Variants in PRKCA observed in about 807,000 individuals in gnomAD.
PRKCA encodes protein kinase C alpha type.
PRKCA carries 27 observed loss-of-function variants against 87.0 expected under a neutral mutation model. That is an observed-to-expected ratio of 0.31 (90% confidence interval 0.23 to 0.43). The LOEUF (loss-of-function observed/expected upper bound fraction) is 0.43. Ranked by LOEUF, PRKCA falls within the 20% of genes least tolerant of loss-of-function variation. The pLI is 1.00. For synonymous variants in PRKCA, 329 were observed against 311.1 expected, an observed-to-expected ratio of 1.06 and a Z score of -0.61; for missense variants, 518 against 852.3, an observed-to-expected ratio of 0.61 and a Z score of 4.88.
intron 2 of PRKCA, among the ~76,000 whole-genome samples, chr17:66,404,894 C>T (rs2005244): frequency 0.13 from 19,125 of 151,582 alleles, 1,520 homozygotes; most frequent in East Asian, 0.28. Flanking sequence ...AGATTACAGG[C>T]GCACGCCACC....
At position 66,679,326 on chromosome 17, in the gene PRKCA, G is replaced by A. The variant is rs143297731; in HGVS notation, c.530-7785G>A. On this transcript the variant is annotated intron_variant, in intron 5 of 16. Coordinates refer to ENST00000413366, the MANE Select transcript of PRKCA (RefSeq NM_002737.3). ...CTCCCGAGTAGCTGTGACTACAGGC[G>A]TCCGCCACCACACCCGGCTAATTTT... 1.6e-3 allele frequency among the ~76,000 whole-genome samples: 239 copies of A among 152,076 alleles called. 1 individual carries two copies. Among genetic ancestry groups the A allele is most frequent in the Middle Eastern group, 3.4e-3 (1 of 294 alleles).
At chr17:66,464,418 A>G (rs1053861989) in intron 2 of PRKCA, among the ~76,000 whole-genome samples, 3 of 152,140 alleles carry the variant, frequency 2.0e-5, no homozygotes, top group African/African-American at 7.2e-5. Flanking sequence ...AAATGGAAAG[A>G]ATATGTTTAG....
intron 2 of PRKCA, among the ~76,000 whole-genome samples, chr17:66,434,261 G>C (rs1020691766): frequency 2.7e-5 from 3 of 110,556 alleles, no homozygotes; most frequent in African/African-American, 7.8e-5. Flanking sequence ...CCATCAAGGG[G>C]TAGGATGGGA....
At chr17:66,565,799 G>C (rs1968872599) in intron 3 of PRKCA, among the ~76,000 whole-genome samples, 1 of 151,952 alleles carries the variant, frequency 6.6e-6, no homozygotes, top group African/African-American at 2.4e-5. Flanking sequence ...CTTGGAACCT[G>C]TTTACTATTT....
chr17:66,603,499 C>T (rs569468920), intron 3 of PRKCA, among the ~76,000 whole-genome samples: 1 of 152,210 alleles, frequency 6.6e-6, no homozygotes, highest in South Asian at 2.1e-4. Context: ...AACAGCAAAG[C>T]GAGCACTCGG....
At chr17:66,553,524 C>T (rs61762383) in intron 3 of PRKCA, among the ~76,000 whole-genome samples, 97 of 152,268 alleles carry the variant, frequency 6.4e-4, no homozygotes, top group African/African-American at 2.2e-3. Flanking sequence ...CTAGATTTCG[C>T]GACTTGCTTC....
Position 66,645,878 on chromosome 17 carries a change from G to C in PRKCA, c.529+367G>C, listed in dbSNP as rs61762404. Among the ~76,000 whole-genome samples the C allele has an allele frequency of 7.9e-4, 120 of 152,318 alleles. 1 individual carries two copies. Among genetic ancestry groups the C allele is most frequent in the African/African-American group, 2.8e-3 (115 of 41,564 alleles). ...GAATGGAACTAGAACAAGGGGAGGC[G>C]AATGGATGGATGACCCAGGTGTTTT... On this transcript the variant is annotated intron_variant, in intron 5 of 16. Transcript: ENST00000413366.
Position 66,788,867 on chromosome 17 carries a change from T to A in PRKCA, c.1742T>A (p.Leu581Gln). Residue 581 changes from leucine to glutamine, a missense_variant, in exon 16 of 17, where the codon CTG becomes CAG. By Grantham distance (113) the Leu-to-Gln change is moderately radical (BLOSUM62 -2). Around this residue, in one of 5 missense-constraint regions of PRKCA, gnomAD observed 159 missense variants for 232.4 expected, o/e 0.68. Transcript: ENST00000413366. Reference protein sequence around the residue: ...GLMTKHPAKRLGCGPEGERDV... With the variant: ...GLMTKHPAKRQGCGPEGERDV... ...ATGACCAAACACCCAGCCAAGCGGC[T>A]GGGCTGTGGGCCTGAGGGGGAGAGG... 4 of 1,613,858 alleles carry A rather than the reference T, an allele frequency of 2.5e-6. No individual in the cohort carries two copies. The highest frequency in any genetic ancestry group is 3.4e-6 in the Non-Finnish European group (4 of 1,179,934).
chr17:66,373,544 G>A (rs1480249056), intron 2 of PRKCA, among the ~76,000 whole-genome samples: 1 of 152,168 alleles, frequency 6.6e-6, no homozygotes, highest in East Asian at 1.9e-4. Context: ...TAGGAGTTTG[G>A]TGATTTGATT....
At chr17:66,389,591 T>C (rs1018728533) in intron 2 of PRKCA, among the ~76,000 whole-genome samples, 11 of 152,224 alleles carry the variant, frequency 7.2e-5, no homozygotes, top group Middle Eastern at 3.2e-3. Flanking sequence ...GTCATCATCA[T>C]TGCTGCCATC....
rs895934005 is a variant in PRKCA at position 66,808,626 on chromosome 17, A to G, written c.*4589A>G. 2.0e-5 allele frequency: 3 copies of G among 152,292 alleles called. No individual in the cohort carries two copies. Among genetic ancestry groups the G allele is most frequent in the Admixed American group, 2.0e-4 (3 of 15,282 alleles). The allele number at this position is 152,292 out of a possible 1,614,324, so 9.4% of individuals were successfully genotyped here. On this transcript the variant is annotated 3_prime_UTR_variant, in exon 17 of 17. Coordinates refer to ENST00000413366, the MANE Select transcript of PRKCA (RefSeq NM_002737.3). The stretch of plus-strand genomic sequence containing the variant: ...GAGAGTTACCGGGACAGCAGTAGGC[A>G]TGACAGTCACCAGGAAGGACAAGGG...
intron 2 of PRKCA, chr17:66,398,354 T>C (rs1567808583): frequency 6.6e-6 from 1 of 152,206 alleles, no homozygotes; most frequent in African/African-American, 2.4e-5. Flanking sequence ...GTGGTGGTCA[T>C]ACAATAATAG....
chr17:66,589,583 A>G (rs896933691), intron 3 of PRKCA, among the ~76,000 whole-genome samples: 5 of 152,206 alleles, frequency 3.3e-5, no homozygotes, highest in African/African-American at 4.8e-5. Flanking sequence ...AACATCCAAA[A>G]TCTAAGACCT....
At chr17:66,329,029 C>T (rs1906161845) in intron 2 of PRKCA, among the ~76,000 whole-genome samples, 1 of 152,196 alleles carries the variant, frequency 6.6e-6, no homozygotes, top group African/African-American at 2.4e-5. Context: ...GAGGATCATG[C>T]CTACTGTTAT....
At chr17:66,334,438 G>A (rs1906536490) in intron 2 of PRKCA, among the ~76,000 whole-genome samples, 1 of 151,812 alleles carries the variant, frequency 6.6e-6, no homozygotes, top group African/African-American at 2.4e-5. Flanking sequence ...AGAATATATT[G>A]TGATAACTCA....
chr17:66,698,811 T>TAAAAATAC (rs1368921717), intron 8 of PRKCA, among the ~76,000 whole-genome samples: 1 of 85,664 alleles, frequency 1.2e-5, no homozygotes, highest in Non-Finnish European at 2.3e-5. Flanking sequence ...CTGTGTCTAC[T>TAAAAATAC]AAAAATACAA....
intron 5 of PRKCA, among the ~76,000 whole-genome samples, chr17:66,664,834 T>A (rs554756391): frequency 6.6e-6 from 1 of 151,932 alleles, no homozygotes; most frequent in African/African-American, 2.4e-5. Flanking sequence ...ACAGATAGGG[T>A]CTGACCACAT....
chr17:66,626,088 A>G (rs767538879), intron 3 of PRKCA, among the ~76,000 whole-genome samples: 2 of 152,226 alleles, frequency 1.3e-5, no homozygotes, highest in Non-Finnish European at 2.9e-5. Context: ...CTCTCTGCGT[A>G]CAGGTGAAGC....
At chr17:66,340,440 G>A (rs1288072292) in intron 2 of PRKCA, among the ~76,000 whole-genome samples, 1 of 146,502 alleles carries the variant, frequency 6.8e-6, no homozygotes, top group Non-Finnish European at 1.5e-5. Context: ...TTTGGTTTAA[G>A]TTTTGAATGT....
Sources: allele counts gnomAD v4.1 joint callset (sites outside exome capture counted in the v4.1 genomes callset), GRCh38; gene constraint gnomAD v4.1.1; regional missense constraint gnomAD v4.1.1; transcripts MANE v1.5; gene names NCBI Gene and HGNC (gene_info 2026-07-23, HGNC 2026-07-21).